Variants in NEK11 observed in about 807,000 individuals in gnomAD.
NEK11 encodes serine/threonine-protein kinase Nek11.
In NEK11, 72 loss-of-function variants were observed where a neutral mutation model predicts 80.7. That is an observed-to-expected ratio of 0.89 (90% CI 0.74 to 1.08). The LOEUF (loss-of-function observed/expected upper bound fraction) is 1.08. Among genes scored for constraint, NEK11 ranks in the 50% least tolerant of loss-of-function variants. The pLI is 0.00. For missense variants in NEK11, 764 were observed against 763.6 expected, an observed-to-expected ratio of 1.00 and a Z score of -0.01; for synonymous variants, 251 against 260.7, an observed-to-expected ratio of 0.96 and a Z score of 0.36.
chr3:131,187,683 T>C (rs1311097797), intron 14 of NEK11, among the ~76,000 whole-genome samples: 1 of 152,064 alleles, frequency 6.6e-6, no homozygotes, highest in East Asian at 1.9e-4. Context: ...TTCCACTAAA[T>C]AGAAGAAATG....
intron 15 of NEK11, among the ~76,000 whole-genome samples, chr3:131,234,596 A>C (rs2095396482): frequency 6.6e-6 from 1 of 152,058 alleles, no homozygotes; most frequent in Non-Finnish European, 1.5e-5. Flanking sequence ...TGTTGCTCAA[A>C]GGAGAGACTT....
At chr3:131,324,807 C>A (rs2096940977) in intron 17 of NEK11, among the ~76,000 whole-genome samples, 1 of 152,214 alleles carries the variant, frequency 6.6e-6, no homozygotes, top group South Asian at 2.1e-4. Context: ...CAACTCCTTC[C>A]CCCTCTGAGC....
In NEK11 at chr3:131,312,737, C is replaced by A. The variant is rs184357523; in HGVS notation, c.1719-36820C>A. 5.3e-3 allele frequency among the ~76,000 whole-genome samples: 800 copies of A among 152,162 alleles called. 6 individuals carry two copies. The highest frequency in any genetic ancestry group is 0.027 in the Middle Eastern group (8 of 294). On this transcript the variant is annotated intron_variant, in intron 17 of 17. Transcript: ENST00000383366. ...GGGTGATTCAGCCAAGTTTCAGAAC[C>A]CCTAAGATGCTCATGAGCACCTGTT...
intron 14 of NEK11, among the ~76,000 whole-genome samples, chr3:131,179,595 T>G (rs1195433667): frequency 6.6e-6 from 1 of 152,196 alleles, no homozygotes; most frequent in African/African-American, 2.4e-5. Context: ...GTATTATAAA[T>G]AGAAATTTAT....
chr3:131,159,097 C>G (rs1400572730), intron 10 of NEK11, among the ~76,000 whole-genome samples: 1 of 152,128 alleles, frequency 6.6e-6, no homozygotes, highest in Non-Finnish European at 1.5e-5. Context: ...CAATCAAACC[C>G]TCAAAGTTAT....
rs543408011 is a variant in NEK11, at chr3:131,026,996, G to C, written c.-180G>C. On this transcript the variant is annotated 5_prime_UTR_variant, in exon 1 of 18. Coordinates refer to ENST00000383366, the MANE Select transcript of NEK11 (RefSeq NM_024800.5). ...CAGCCCCGGGCGCCGCTCCGACCAC[G>C]ACAGGGAAAGGTAAAGCGAACTGTC... 1 of 152,296 alleles carries C rather than the reference G, an allele frequency of 6.6e-6. No homozygotes were observed. The highest frequency in any genetic ancestry group is 1.9e-4 in the East Asian group (1 of 5,176). 9.4% of individuals were successfully genotyped at this position (152,296 alleles called of 1,614,324 possible). A position where few individuals can be genotyped will look rare whatever the true frequency, so the allele number is the denominator to read the frequency against.
intron 17 of NEK11, among the ~76,000 whole-genome samples, chr3:131,318,624 C>T (rs187992011): frequency 1.6e-4 from 24 of 151,898 alleles, no homozygotes; most frequent in South Asian, 1.5e-3. Context: ...GATCTGCACA[C>T]GCTTGTGTGG....
At chr3:131,140,603 G>A (rs1396287296) in intron 7 of NEK11, among the ~76,000 whole-genome samples, 2 of 152,184 alleles carry the variant, frequency 1.3e-5, no homozygotes, top group African/African-American at 4.8e-5. Flanking sequence ...CAGGAGAACG[G>A]CAAGCAGGAG....
At chr3:131,037,561 C>T (rs1287801165) in intron 3 of NEK11, among the ~76,000 whole-genome samples, 2 of 152,194 alleles carry the variant, frequency 1.3e-5, no homozygotes, top group Admixed American at 6.5e-5. Context: ...GGATTACAGG[C>T]GTGAGCCACC....
intron 14 of NEK11, chr3:131,175,008 G>T (rs2092925211): frequency 1.5e-6 from 2 of 1,306,722 alleles, no homozygotes; most frequent in Non-Finnish European, 1.9e-6. Context: ...ACCTGTAGGT[G>T]GTTGTGCTTT....
intron 14 of NEK11, among the ~76,000 whole-genome samples, chr3:131,209,438 C>CT (rs2094543371): frequency 1.3e-5 from 2 of 152,056 alleles, no homozygotes; most frequent in South Asian, 2.1e-4. Flanking sequence ...CTAAAATTCT[C>CT]TTTTTTTGTT....
chr3:131,173,371 G>T (rs979769846), intron 14 of NEK11, among the ~76,000 whole-genome samples: 1 of 152,054 alleles, frequency 6.6e-6, no homozygotes, highest in Non-Finnish European at 1.5e-5. Context: ...TCTGCTGGAG[G>T]ACAGAGCCAT....
chr3:131,245,135 G>A (rs6794728), intron 16 of NEK11, among the ~76,000 whole-genome samples: 1 of 151,836 alleles, frequency 6.6e-6, no homozygotes, highest in Non-Finnish European at 1.5e-5. Flanking sequence ...ACTCCACACT[G>A]TATATCCATA....
rs148448181 is a variant in NEK11, at chr3:131,107,945, C to T, written c.337-1858C>T. 2.3e-3 allele frequency among the ~76,000 whole-genome samples: 355 copies of T among 152,018 alleles called. 1 individual carries two copies. Among genetic ancestry groups the T allele is most frequent in the African/African-American group, 8.1e-3 (334 of 41,480 alleles). ...TGGCTCAACAGAATTCTGATAAACT[C>T]AAGGAGTAAAAAGAGAGAAGAAATA... On this transcript the variant is annotated intron_variant, in intron 4 of 17. Transcript: ENST00000383366.
chr3:131,115,907 TTTC>T (rs1202677802), intron 5 of NEK11, among the ~76,000 whole-genome samples: 132 of 27,984 alleles, frequency 4.7e-3, no homozygotes, highest in Middle Eastern at 0.017. Context: ...TAGTGTTTTC[TTTC>T]TTTCTTTCTT....
At chr3:131,113,004 T>C (rs770622100) in intron 5 of NEK11, among the ~76,000 whole-genome samples, 38 of 152,134 alleles carry the variant, frequency 2.5e-4, no homozygotes, top group East Asian at 1.9e-4. Context: ...GAAGGTAACT[T>C]GGGTTATCAG....
intron 3 of NEK11, among the ~76,000 whole-genome samples, chr3:131,048,732 A>C (rs764609930): frequency 4.4e-4 from 67 of 152,188 alleles, no homozygotes; most frequent in Non-Finnish European, 8.8e-4. Context: ...TTCTTGGAGC[A>C]AAAGTTCTCT....
At chr3:131,279,960 A>G (rs1424855342) in intron 17 of NEK11, among the ~76,000 whole-genome samples, 1 of 152,210 alleles carries the variant, frequency 6.6e-6, no homozygotes. Flanking sequence ...TTTCCCTGTC[A>G]GACTTGTCAG....
chr3:131,248,029 A>G (rs2095634373), intron 16 of NEK11, among the ~76,000 whole-genome samples: 1 of 152,118 alleles, frequency 6.6e-6, no homozygotes, highest in Non-Finnish European at 1.5e-5. Flanking sequence ...ATAAGATCAT[A>G]TGATCAGCAA....
Sources: allele counts gnomAD v4.1 joint callset (sites outside exome capture counted in the v4.1 genomes callset), GRCh38; gene constraint gnomAD v4.1.1; transcripts MANE v1.5; gene names NCBI Gene and HGNC (gene_info 2026-07-23, HGNC 2026-07-21).